The following BEND5 variants were observed in gnomAD, a reference collection of about 807,000 sequenced individuals.
BEND5 encodes the protein BEN domain containing 5.
In BEND5, 22 loss-of-function variants were observed where a neutral mutation model predicts 43.9. That is an observed-to-expected ratio of 0.50 (90% CI 0.36 to 0.72). The LOEUF is 0.72. Ranked by LOEUF, BEND5 falls within the 30% of genes least tolerant of loss-of-function variation. BEND5 has a pLI of 0.00. For missense variants in BEND5, 428 were observed against 550.6 expected (o/e 0.78, Z 2.23); for synonymous variants, 228 against 225.9 (o/e 1.01, Z -0.08).
rs769100729 is a variant in BEND5, at chr1:48,736,342, T to C, written c.1005A>G (p.Thr335=). Residue 335 remains threonine (T), a synonymous_variant, in exon 5 of 6, where the codon ACA becomes ACG. Coordinates refer to ENST00000371833, the MANE Select transcript of BEND5 (RefSeq NM_024603.4). The surrounding 1 kb of genome is among the most constrained non-coding windows in gnomAD (Gnocchi z 4.0). ...TGACGCTTCTGTTTTTCAGAACATCTGTTCCCCAAATCATAACTGCCAAGT... is the reference window on the plus strand; with the variant it reads ...TGACGCTTCTGTTTTTCAGAACATCCGTTCCCCAAATCATAACTGCCAAGT... The part of the protein sequence containing the change: ...TKNLAVMIWG[T]DVLKNRSVTG... 6.8e-6 allele frequency: 11 copies of C among 1,614,194 alleles called. No individual in the cohort carries two copies. The highest frequency in any genetic ancestry group is 1.3e-5 in the African/African-American group (1 of 75,042).
intron 3 of BEND5, among the ~76,000 whole-genome samples, chr1:48,753,212 T>C (rs577767297): frequency 6.6e-6 from 1 of 152,356 alleles, no homozygotes; most frequent in Admixed American, 6.5e-5. Flanking sequence ...TCAGAGCCCA[T>C]TAGGGCTCTT....
At chr1:48,748,211 C>G (rs1274025967) in intron 3 of BEND5, among the ~76,000 whole-genome samples, 1 of 152,178 alleles carries the variant, frequency 6.6e-6, no homozygotes, top group Non-Finnish European at 1.5e-5. Flanking sequence ...GCCTCCGGAG[C>G]TGGGTAGGAG....
intron 3 of BEND5, among the ~76,000 whole-genome samples, chr1:48,752,361 TG>T (rs1282627314): frequency 1.3e-5 from 2 of 152,042 alleles, no homozygotes; most frequent in African/African-American, 2.4e-5. Flanking sequence ...GGAGGTCAAA[TG>T]GGGTGGTTGA....
At chr1:48,764,330 G>A (rs1180039394) in intron 1 of BEND5, among the ~76,000 whole-genome samples, 4 of 152,150 alleles carry the variant, frequency 2.6e-5, no homozygotes, top group African/African-American at 4.8e-5. Flanking sequence ...TCCTACTCAC[G>A]TTGCAGAACT....
In BEND5 at chr1:48,759,265, G is replaced by T. The variant is rs748438575; in HGVS notation, c.380C>A (p.Pro127Gln). The T allele has an allele frequency of 5.0e-5, 78 of 1,561,442 alleles. No homozygotes were observed. Among genetic ancestry groups the T allele is most frequent in the Middle Eastern group, 3.3e-4 (2 of 6,012 alleles). Residue 127 changes from proline (P) to glutamine (Q), a missense_variant, in exon 3 of 6, where the codon CCG becomes CAG. Coordinates refer to ENST00000371833, the MANE Select transcript of BEND5 (RefSeq NM_024603.4). ...GATGCTCTTGTGCGCCACTTCGCTCGGCTTCCGCCCCTCAGGTCTCTGTGT... is the reference window on the plus strand; with the variant it reads ...GATGCTCTTGTGCGCCACTTCGCTCTGCTTCCGCCCCTCAGGTCTCTGTGT... ...RHIKRPEGRKPSEVAHKSIEA... is the reference protein window; with the variant it reads ...RHIKRPEGRKQSEVAHKSIEA...
intron 3 of BEND5, among the ~76,000 whole-genome samples, chr1:48,748,290 G>A (rs994567592): frequency 5.9e-5 from 9 of 152,314 alleles, no homozygotes; most frequent in East Asian, 3.9e-4. Flanking sequence ...CTGCTGTAGC[G>A]TGCCTCTGTT....
intron 5 of BEND5, among the ~76,000 whole-genome samples, chr1:48,730,799 T>C (rs1647997815): frequency 6.6e-6 from 1 of 152,222 alleles, no homozygotes; most frequent in African/African-American, 2.4e-5. Flanking sequence ...ACAGTGCTAA[T>C]GTGTCCTATT....
intron 3 of BEND5, among the ~76,000 whole-genome samples, chr1:48,750,745 A>T (rs1049849776): frequency 6.6e-6 from 1 of 152,228 alleles, no homozygotes; most frequent in Admixed American, 6.5e-5. Flanking sequence ...GAAGGCAGTG[A>T]GTGAGCTTCT....
At chr1:48,740,736 C>T (rs960294135) in intron 4 of BEND5, among the ~76,000 whole-genome samples, 1 of 152,108 alleles carries the variant, frequency 6.6e-6, no homozygotes, top group Admixed American at 6.5e-5. Flanking sequence ...AGATTAAGGC[C>T]TCTGATCGTG....
intron 3 of BEND5, among the ~76,000 whole-genome samples, chr1:48,751,741 A>G (rs1362523305): frequency 6.6e-6 from 1 of 152,198 alleles, no homozygotes; most frequent in Non-Finnish European, 1.5e-5. Context: ...GGAAAAGCCT[A>G]ACAACTTCCT....
chr1:48,748,328 A>G (rs144882990), intron 3 of BEND5, among the ~76,000 whole-genome samples: 116 of 152,294 alleles, frequency 7.6e-4, no homozygotes, highest in Middle Eastern at 3.4e-3. Context: ...TTCCAGTGAA[A>G]GCAGAGACAA....
chr1:48,755,609 GTCTCTCATTCGCTT>G (rs553954160), intron 3 of BEND5, among the ~76,000 whole-genome samples: 77 of 152,282 alleles, frequency 5.1e-4, no homozygotes, highest in African/African-American at 1.8e-3. Flanking sequence ...TCAAACAAGG[GTCTCTCATTCGCTT>G]TCTGGTTGTT....
At chr1:48,748,824 G>C (rs1406616747) in intron 3 of BEND5, among the ~76,000 whole-genome samples, 1 of 152,116 alleles carries the variant, frequency 6.6e-6, no homozygotes, top group Non-Finnish European at 1.5e-5. Flanking sequence ...GGAGTAGTGA[G>C]GCCGGGGTTC....
At chr1:48,759,787 TC>T (rs1644157640) in intron 2 of BEND5, among the ~76,000 whole-genome samples, 1 of 152,212 alleles carries the variant, frequency 6.6e-6, no homozygotes, top group Non-Finnish European at 1.5e-5. Flanking sequence ...AAACTTTTCA[TC>T]GACAATGCTT....
intron 3 of BEND5, among the ~76,000 whole-genome samples, chr1:48,749,917 G>A (rs923473333): frequency 6.6e-6 from 1 of 152,218 alleles, no homozygotes; most frequent in African/African-American, 2.4e-5. Flanking sequence ...GGGTTGGGGG[G>A]CTAAGGAGTT....
At chr1:48,766,018 G>A (rs1372954570) in intron 1 of BEND5, among the ~76,000 whole-genome samples, 1 of 152,052 alleles carries the variant, frequency 6.6e-6, no homozygotes, top group African/African-American at 2.4e-5. Context: ...AGAACTTTAG[G>A]AATATACCAA....
chr1:48,756,949 G>C (rs1643967205), intron 3 of BEND5, among the ~76,000 whole-genome samples: 1 of 152,190 alleles, frequency 6.6e-6, no homozygotes, highest in Non-Finnish European at 1.5e-5. Context: ...CTGTGGGATG[G>C]GAGAGCCTAG....
At position 48,753,274 on chromosome 1, in the gene BEND5, G is replaced by A. The variant is rs1296388807; in HGVS notation, c.745+5626C>T. 3.9e-5 allele frequency among the ~76,000 whole-genome samples: 6 copies of A among 152,228 alleles called. No individual in the cohort carries two copies. In the East Asian group the frequency reaches 9.6e-4, roughly 24 times the overall value. On this transcript the variant is annotated intron_variant, in intron 3 of 5. Transcript: ENST00000371833. ...TATGTAGTGGGCTTTAAGATACCTA[G>A]AGGAGAAAACAGACACCTGAGAAGG...
intron 3 of BEND5, among the ~76,000 whole-genome samples, chr1:48,751,143 T>C (rs1651676014): frequency 6.6e-6 from 1 of 152,168 alleles, no homozygotes; most frequent in Non-Finnish European, 1.5e-5. Flanking sequence ...TGAACTGGGT[T>C]CTCTCTAAAG....
Sources: gnomAD v4.1 joint callset for allele counts (sites outside exome capture counted in the v4.1 genomes callset) on GRCh38, gnomAD v4.1.1 for gene constraint, Gnocchi (gnomAD v3.1) non-coding constraint, MANE v1.5 for transcripts, NCBI Gene and HGNC (gene_info 2026-07-23, HGNC 2026-07-21) for gene names.